Variants in SDK2 observed in about 807,000 individuals in gnomAD.
SDK2 encodes sidekick cell adhesion molecule 2.
A neutral mutation model predicts 253.9 loss-of-function variants in SDK2; 105 were observed. The ratio of observed to expected loss-of-function variants is 0.41; its 90% CI spans 0.35 to 0.49. The LOEUF (loss-of-function observed/expected upper bound fraction) is 0.49, where lower values mean the gene tolerates loss of function less well. Ranked by LOEUF, SDK2 falls within the 20% of genes least tolerant of loss-of-function variation. The probability of loss-of-function intolerance (pLI) is 0.06; values close to 1 mark genes in which losing one functional copy is unlikely to be tolerated. For missense variants in SDK2, 2,608 were observed against 3,003.0 expected (o/e 0.87, Z 3.07); for synonymous variants, 1,249 against 1,234.9 (o/e 1.01, Z -0.24).
In SDK2 at chr17:73,355,159, C is replaced by CATATATATATATATAT. The variant is rs1555750469; in HGVS notation, c.5594-2538_5594-2523dup. On this transcript the variant is annotated intron_variant, in intron 40 of 44. Coordinates refer to ENST00000392650, the MANE Select transcript of SDK2 (RefSeq NM_001144952.2). The stretch of plus-strand genomic sequence containing the variant: ...TTTGAGCCTCTGCCTCCTACACCTC[C>CATATATATATATATAT]ATATATATATATATATTTTTTTTTT... Among the ~76,000 whole-genome samples, 64 of 48,574 alleles carry CATATATATATATATAT rather than the reference C, an allele frequency of 1.3e-3. 4 individuals carry two copies. Among genetic ancestry groups the CATATATATATATATAT allele is most frequent in the African/African-American group, 7.3e-3 (55 of 7,504 alleles). The allele number at this position is 48,574 out of a possible 152,430, so 31.9% of individuals were successfully genotyped here.
At position 73,457,242 on chromosome 17, in the gene SDK2, CCTT is replaced by C. The variant is rs1567784097; in HGVS notation, c.332-1192_332-1190del. Among the ~76,000 whole-genome samples the C allele has an allele frequency of 5.7e-4, 32 of 56,004 alleles. 1 individual carries two copies. The highest frequency in any genetic ancestry group is 2.7e-3 in the African/African-American group (31 of 11,520). The allele number at this position is 56,004 out of a possible 152,430, so 36.7% of individuals were successfully genotyped here. A position where few individuals can be genotyped will look rare whatever the true frequency, so the allele number is the denominator to read the frequency against. Reference sequence around the variant, plus strand: ...TTTTCTCTTCCTTCCTTCCTTCCTTCCTTCCTTCCTTCCTTCCTTCCTTCCTTC... The same window carrying C: ...TTTTCTCTTCCTTCCTTCCTTCCTTCCCTTCCTTCCTTCCTTCCTTCCTTC... On this transcript the variant is annotated intron_variant, in intron 3 of 44. Transcript: ENST00000392650.
At chr17:73,371,643 G>T (rs140582155) in intron 36 of SDK2, among the ~76,000 whole-genome samples, 27 of 152,208 alleles carry the variant, frequency 1.8e-4, no homozygotes, top group Middle Eastern at 6.8e-3. Flanking sequence ...AGGGGCCAAA[G>T]AAATGGGTGA....
chr17:73,478,613 T>C (rs892842617), intron 2 of SDK2, among the ~76,000 whole-genome samples: 8 of 152,066 alleles, frequency 5.3e-5, no homozygotes, highest in South Asian at 2.1e-4. Context: ...GGACAGATAA[T>C]TGGATTTTTA....
At position 73,338,257 on chromosome 17, in the gene SDK2, C is replaced by T. The variant is rs1239047030; in HGVS notation, c.*330G>A. The T allele has an allele frequency of 2.1e-6, 1 of 477,284 alleles. No individual in the cohort carries two copies. The highest frequency in any genetic ancestry group is 2.0e-5 in the African/African-American group (1 of 51,040). 29.6% of individuals were successfully genotyped at this position (477,284 alleles called of 1,614,324 possible). A position where few individuals can be genotyped will look rare whatever the true frequency, so the allele number is the denominator to read the frequency against. On this transcript the variant is annotated 3_prime_UTR_variant, in exon 45 of 45. Transcript: ENST00000392650. The surrounding 1 kb of genome is among the most constrained non-coding windows in gnomAD (Gnocchi z 5.0). ...CTGCCTGGCGGCCTCCAGTCCTTAG[C>T]CTCCGCTCCCTCTCTCTCTCCAGAT...
At chr17:73,632,282 G>C (rs1244468055) in intron 1 of SDK2, among the ~76,000 whole-genome samples, 1 of 152,232 alleles carries the variant, frequency 6.6e-6, no homozygotes, top group Admixed American at 6.5e-5. Flanking sequence ...CCCACCCTCA[G>C]TCTGGGTGGG....
intron 40 of SDK2, among the ~76,000 whole-genome samples, chr17:73,353,758 C>G (rs1231692915): frequency 7.5e-6 from 1 of 132,756 alleles, no homozygotes; most frequent in Non-Finnish European, 1.5e-5. Flanking sequence ...GGCTGGAGTG[C>G]AGTGGTGCCA....
Position 73,398,349 on chromosome 17 carries a change from C to A in SDK2, c.3174G>T (p.Val1058=). The A allele has an allele frequency of 2.5e-6, 4 of 1,613,992 alleles. No individual in the cohort carries two copies. Among genetic ancestry groups the A allele is most frequent in the Non-Finnish European group, 2.5e-6 (3 of 1,179,876 alleles). The stretch of plus-strand genomic sequence containing the variant: ...AGCAGGTGAAGGGGTTGAGGTCGGG[C>A]ACCTCCATGGAGCGGGCATCGGGCT... ...SNEPDARSME[V]PDLNPFTCYS... is the part of the protein sequence containing the mutation. The change falls in exon 23 of 45, where the codon GTG becomes GTT. Residue 1058 remains valine (V), a synonymous_variant. Coordinates refer to ENST00000392650, the MANE Select transcript of SDK2 (RefSeq NM_001144952.2).
chr17:73,338,446 C>G lies in SDK2; in HGVS notation c.*141G>C. 1.4e-6 allele frequency: 1 copy of G among 706,228 alleles called. No homozygotes were observed. The highest frequency in any genetic ancestry group is 1.5e-5 in the South Asian group (1 of 65,498). 43.7% of individuals were successfully genotyped at this position (706,228 alleles called of 1,614,324 possible). ...CTTCTGAACGCCGGCTTTGCTGGCCCTGGAATCTCTGGAAAAATAAACTCA... is the reference window on the plus strand; with the variant it reads ...CTTCTGAACGCCGGCTTTGCTGGCCGTGGAATCTCTGGAAAAATAAACTCA... On this transcript the variant is annotated 3_prime_UTR_variant, in exon 45 of 45. Coordinates refer to ENST00000392650, the MANE Select transcript of SDK2 (RefSeq NM_001144952.2). This position sits in a 1 kb window ranked among gnomAD's most constrained non-coding sequence, Gnocchi z 5.0.
At chr17:73,544,581 T>TAC (rs1481324852) in intron 1 of SDK2, among the ~76,000 whole-genome samples, 7 of 152,174 alleles carry the variant, frequency 4.6e-5, no homozygotes, top group African/African-American at 1.4e-4. Flanking sequence ...TGCATGTGTG[T>TAC]ATGGATGGAC....
At chr17:73,577,460 G>T (rs1486155277) in intron 1 of SDK2, among the ~76,000 whole-genome samples, 1 of 152,180 alleles carries the variant, frequency 6.6e-6, no homozygotes, top group Non-Finnish European at 1.5e-5. Context: ...TAAGTTCAGT[G>T]GGGGAGAGAG....
chr17:73,432,925 G>A (rs1450164894), intron 10 of SDK2, among the ~76,000 whole-genome samples: 4 of 152,180 alleles, frequency 2.6e-5, no homozygotes, highest in African/African-American at 7.2e-5. Context: ...ACACACAGAG[G>A]TGAAGAGGAA....
intron 3 of SDK2, among the ~76,000 whole-genome samples, chr17:73,469,989 C>CAT (rs1567791323): frequency 1.8e-5 from 2 of 110,598 alleles, no homozygotes; most frequent in African/African-American, 7.4e-5. Context: ...ACTGCGCGCG[C>CAT]GCGCACACAC....
At chr17:73,567,523 C>T (rs2045328810) in intron 1 of SDK2, among the ~76,000 whole-genome samples, 1 of 152,238 alleles carries the variant, frequency 6.6e-6, no homozygotes, top group Non-Finnish European at 1.5e-5. Flanking sequence ...CTACCAGCCT[C>T]CAGACCTCAG....
In SDK2 at chr17:73,348,969, G is replaced by A. The variant is rs181697574; in HGVS notation, c.6039-244C>T. On this transcript the variant is annotated intron_variant, in intron 43 of 44. Transcript: ENST00000392650. ...GCAACATGCAGGGTGAATGTAGGGG[G>A]GATGTCACCGTGGCTGGGTTCAGGA... Among the ~76,000 whole-genome samples, 373 of 152,336 alleles carry A rather than the reference G, an allele frequency of 2.4e-3. 1 individual carries two copies. Among genetic ancestry groups the A allele is most frequent in the Non-Finnish European group, 4.5e-3 (303 of 68,030 alleles).
intron 41 of SDK2, among the ~76,000 whole-genome samples, chr17:73,351,116 T>C (rs1040894621): frequency 4.6e-5 from 7 of 151,158 alleles, no homozygotes; most frequent in Admixed American, 6.6e-5. Context: ...TTTCCCCTTT[T>C]TTTTTTTTTT....
At chr17:73,386,197 T>TC (rs1366164042) in intron 31 of SDK2, among the ~76,000 whole-genome samples, 1 of 152,122 alleles carries the variant, frequency 6.6e-6, no homozygotes, top group African/African-American at 2.4e-5. Context: ...AGAACTCCTG[T>TC]CCCGCTCACT....
At chr17:73,521,675 T>A (rs1354610666) in intron 1 of SDK2, among the ~76,000 whole-genome samples, 2 of 152,144 alleles carry the variant, frequency 1.3e-5, no homozygotes, top group Non-Finnish European at 2.9e-5. Context: ...CCATTTGCAA[T>A]GACAGAAGGC....
Position 73,472,140 on chromosome 17 carries a change from C to T in SDK2, c.303G>A (p.Leu101=), listed in dbSNP as rs1163852160. The part of the protein sequence containing the change: ...CIVRNRMGAL[L]QRQTEVQVAY... The stretch of plus-strand genomic sequence containing the variant: ...CCACCTGGACCTCGGTTTGCCGCTG[C>T]AGCAGGGCCCCCATTCGGTTCCGCA... Residue 101 remains leucine, a synonymous_variant, in exon 3 of 45, where the codon CTG becomes CTA. Coordinates refer to ENST00000392650, the MANE Select transcript of SDK2 (RefSeq NM_001144952.2). The T allele has an allele frequency of 6.4e-7, 1 of 1,551,544 alleles. No individual in the cohort carries two copies. Among genetic ancestry groups the T allele is most frequent in the African/African-American group, 1.4e-5 (1 of 73,052 alleles).
intron 3 of SDK2, among the ~76,000 whole-genome samples, 166 bp downstream of exon 3, chr17:73,471,946 G>T (rs1354109494): frequency 1.3e-5 from 2 of 152,224 alleles, no homozygotes; most frequent in Non-Finnish European, 2.9e-5. Context: ...TCTGGGCCTT[G>T]GTTCTACCAA....
Sources: gnomAD v4.1 joint callset for allele counts (sites outside exome capture counted in the v4.1 genomes callset) on GRCh38, gnomAD v4.1.1 for gene constraint, Gnocchi (gnomAD v3.1) non-coding constraint, MANE v1.5 for transcripts, NCBI Gene and HGNC (gene_info 2026-07-23, HGNC 2026-07-21) for gene names.